CPED1: variants seen among roughly 807,000 people sequenced by gnomAD.
CPED1 encodes cadherin-like and PC-esterase domain-containing protein 1.
In CPED1, 114 loss-of-function variants were observed where a neutral mutation model predicts 128.2. That is an observed-to-expected ratio of 0.89 (90% CI 0.76 to 1.04). CPED1 has a LOEUF of 1.04. Among genes scored for constraint, CPED1 ranks in the 50% least tolerant of loss-of-function variants. The probability of loss-of-function intolerance (pLI) is 0.00; values close to 1 mark genes in which losing one functional copy is unlikely to be tolerated. For synonymous variants in CPED1, 462 were observed against 426.7 expected, an observed-to-expected ratio of 1.08 and a Z score of -1.02; for missense variants, 1,211 against 1,207.1, an observed-to-expected ratio of 1.00 and a Z score of -0.05.
At chr7:121,037,614 A>G (rs374871843) in intron 3 of CPED1, among the ~76,000 whole-genome samples, 2 of 151,940 alleles carry the variant, frequency 1.3e-5, no homozygotes, top group Non-Finnish European at 2.9e-5. Flanking sequence ...TGCTTTGGCT[A>G]TGTGGCTCCT....
chr7:121,121,033 C>G (rs543057602), intron 7 of CPED1, among the ~76,000 whole-genome samples: 1 of 144,802 alleles, frequency 6.9e-6, no homozygotes, highest in African/African-American at 2.5e-5. Context: ...AGAAGGTTGG[C>G]AAGTTTAACA....
chr7:120,993,495 G>T (rs1222518579), intron 2 of CPED1, among the ~76,000 whole-genome samples: 1 of 152,024 alleles, frequency 6.6e-6, no homozygotes, highest in African/African-American at 2.4e-5. Context: ...CTTTCTCAAG[G>T]ATCAAAACAT....
At chr7:121,001,036 G>A (rs1399279121) in intron 2 of CPED1, among the ~76,000 whole-genome samples, 1 of 152,048 alleles carries the variant, frequency 6.6e-6, no homozygotes, top group Non-Finnish European at 1.5e-5. Context: ...TCAAAAACAA[G>A]CACTGGGTAT....
At chr7:121,161,879 C>A (rs570605693) in intron 16 of CPED1, among the ~76,000 whole-genome samples, 1 of 151,706 alleles carries the variant, frequency 6.6e-6, no homozygotes, top group East Asian at 1.9e-4. Context: ...AGCAGTTATT[C>A]AAAAAAAATA....
intron 16 of CPED1, among the ~76,000 whole-genome samples, chr7:121,147,924 A>G (rs1457991919): frequency 6.6e-6 from 1 of 152,162 alleles, no homozygotes; most frequent in Non-Finnish European, 1.5e-5. Context: ...GACTTCAGTT[A>G]TGATATTTTG....
chr7:121,236,477 GCATT>G (rs1798257736), intron 16 of CPED1, among the ~76,000 whole-genome samples: 1 of 151,988 alleles, frequency 6.6e-6, no homozygotes, highest in Non-Finnish European at 1.5e-5. Flanking sequence ...AGTAAAACTT[GCATT>G]CATTTTTTAA....
At chr7:121,122,106 A>G (rs1795404665) in intron 7 of CPED1, among the ~76,000 whole-genome samples, 1 of 151,234 alleles carries the variant, frequency 6.6e-6, no homozygotes, top group African/African-American at 2.4e-5. Context: ...ACTATACTGA[A>G]TGAATTAAAA....
intron 3 of CPED1, among the ~76,000 whole-genome samples, chr7:121,025,698 A>G (rs1158864859): frequency 6.6e-6 from 1 of 152,068 alleles, no homozygotes; most frequent in African/African-American, 2.4e-5. Flanking sequence ...CTTTCTCCAA[A>G]TATGGACATT....
At chr7:121,053,415 G>T (rs972723032) in intron 4 of CPED1, among the ~76,000 whole-genome samples, 12 of 152,092 alleles carry the variant, frequency 7.9e-5, no homozygotes, top group Non-Finnish European at 1.6e-4. Context: ...TTCTTCATAA[G>T]GTTATGAAAC....
chr7:121,010,571 A>G (rs367843253), intron 2 of CPED1, among the ~76,000 whole-genome samples: 3 of 152,206 alleles, frequency 2.0e-5, no homozygotes, highest in African/African-American at 7.2e-5. Flanking sequence ...TGATAAGCAA[A>G]CTTTATTACT....
intron 16 of CPED1, among the ~76,000 whole-genome samples, chr7:121,224,902 A>G (rs1374141683): frequency 6.7e-6 from 1 of 149,490 alleles, no homozygotes; most frequent in Admixed American, 6.8e-5. Flanking sequence ...AATACAGCAC[A>G]CTGATGGGTC....
intron 4 of CPED1, among the ~76,000 whole-genome samples, chr7:121,057,029 G>C (rs1480241334): frequency 8.6e-5 from 13 of 151,774 alleles, no homozygotes; most frequent in Admixed American, 8.5e-4. Context: ...CTAGGCTGGA[G>C]TGCAATGGCG....
intron 16 of CPED1, among the ~76,000 whole-genome samples, chr7:121,218,165 T>G (rs895694886): frequency 2.0e-4 from 30 of 151,268 alleles, no homozygotes; most frequent in African/African-American, 7.0e-4. Flanking sequence ...TTTTTTTTTT[T>G]TGTATTTTTA....
intron 16 of CPED1, among the ~76,000 whole-genome samples, chr7:121,194,039 TATA>T (rs1797210869): frequency 2.0e-4 from 22 of 112,654 alleles, no homozygotes; most frequent in African/African-American, 7.5e-4. Context: ...TATATATATA[TATA>T]TATATATTTT....
At chr7:121,074,595 A>G (rs1354931664) in intron 5 of CPED1, among the ~76,000 whole-genome samples, 1 of 133,870 alleles carries the variant, frequency 7.5e-6, no homozygotes, top group Non-Finnish European at 1.5e-5. Context: ...GATTTTCTTA[A>G]TGGTGTCTGG....
intron 2 of CPED1, among the ~76,000 whole-genome samples, chr7:121,009,825 G>C (rs1465852812): frequency 2.6e-5 from 4 of 152,118 alleles, no homozygotes; most frequent in Admixed American, 1.3e-4. Context: ...AGAGTCACTG[G>C]AGATGAAGAG....
At chr7:121,144,851 A>G (rs964791339) in intron 16 of CPED1, among the ~76,000 whole-genome samples, 14 of 152,030 alleles carry the variant, frequency 9.2e-5, no homozygotes, top group Non-Finnish European at 1.8e-4. Flanking sequence ...AAAAAATTAA[A>G]AGAAGCCAGA....
At chr7:121,005,956 A>G (rs1034011886) in intron 2 of CPED1, among the ~76,000 whole-genome samples, 2 of 152,106 alleles carry the variant, frequency 1.3e-5, no homozygotes, top group Admixed American at 1.3e-4. Context: ...GCTGATCATG[A>G]GTGGGGTTGG....
At chr7:121,118,840 G>C (rs1465909419) in intron 7 of CPED1, among the ~76,000 whole-genome samples, 1 of 151,980 alleles carries the variant, frequency 6.6e-6, no homozygotes, top group Non-Finnish European at 1.5e-5. Flanking sequence ...TGGCCGGGAG[G>C]CATCGCACTT....
Sources: gnomAD v4.1 joint callset for allele counts (sites outside exome capture counted in the v4.1 genomes callset) on GRCh38, gnomAD v4.1.1 for gene constraint, MANE v1.5 for transcripts, NCBI Gene and HGNC (gene_info 2026-07-23, HGNC 2026-07-21) for gene names.